Variants in CAD observed in about 807,000 individuals in gnomAD.
The protein encoded by CAD is multifunctional protein CAD.
In CAD, 81 loss-of-function variants were observed where a neutral mutation model predicts 237.2. The ratio of observed to expected loss-of-function variants is 0.34; its 90% CI spans 0.29 to 0.41. The LOEUF (loss-of-function observed/expected upper bound fraction) is 0.41. Among genes scored for constraint, CAD ranks in the 10% least tolerant of loss-of-function variants. CAD has a pLI of 1.00. For missense variants in CAD, 2,181 were observed against 2,951.7 expected, an observed-to-expected ratio of 0.74 and a Z score of 6.05; for synonymous variants, 1,196 against 1,162.8, an observed-to-expected ratio of 1.03 and a Z score of -0.58.
At chr2:27,223,061 G>C in intron 6 of CAD, 24 bp downstream of exon 6, 1 of 1,612,750 alleles carries the variant, frequency 6.2e-7, no homozygotes, top group East Asian at 2.2e-5. Flanking sequence ...GGAGCAGAAG[G>C]GGCCCATACT....
chr2:27,239,423 C>A lies in CAD; in HGVS notation c.5346C>A (p.Thr1782=). The part of the protein sequence containing the change: ...TPFEGQKVKG[T]VRRVVLRGEV... ...TTGAAGGGCAGAAAGTGAAGGGCAC[C>A]GTCCGCCGTGTGGTCCTGCGAGGGG... The change falls in exon 33 of 44, where the codon ACC becomes ACA. Residue 1782 remains threonine, a synonymous_variant. Transcript: ENST00000264705. The surrounding 1 kb of genome is among the most constrained non-coding windows in gnomAD (Gnocchi z 4.0). 6.2e-7 allele frequency: 1 copy of A among 1,614,082 alleles called. No individual in the cohort carries two copies. The highest frequency in any genetic ancestry group is 8.5e-7 in the Non-Finnish European group (1 of 1,179,954).
At chr2:27,231,611 C>A in intron 16 of CAD, 31 bp downstream of exon 16, 1 of 1,317,880 alleles carries the variant, frequency 7.6e-7, no homozygotes, top group East Asian at 2.3e-5. Context: ...GGCAATACCC[C>A]TAAAATAGAC....
intron 16 of CAD, 81 bp from the exon 17 acceptor site, chr2:27,231,899 C>T: frequency 6.4e-7 from 1 of 1,553,864 alleles, no homozygotes; most frequent in Non-Finnish European, 8.8e-7. Flanking sequence ...TTTCCCCTTC[C>T]TGAGACAAGA....
At chr2:27,243,167 G>A in intron 42 of CAD, 31 bp from the exon 43 acceptor site, 1 of 1,603,856 alleles carries the variant, frequency 6.2e-7, no homozygotes, top group Non-Finnish European at 8.5e-7. Context: ...CCTACCCCAA[G>A]GCACTAATGG....
rs556529049 is a variant in CAD at position 27,228,005 on chromosome 2, A to C, written c.2287+1043A>C. 2.6e-5 allele frequency among the ~76,000 whole-genome samples: 4 copies of C among 152,264 alleles called. No individual in the cohort carries two copies. The South Asian group carries it at 8.3e-4, about 32-fold the overall frequency. On this transcript the variant is annotated intron_variant, in intron 15 of 43. Coordinates refer to ENST00000264705, the MANE Select transcript of CAD (RefSeq NM_004341.5). ...CTTCTCCTTTTTTAACAAATCTCAA[A>C]ATAAAAAGTCTTACAACCACAGTTA...
rs997425229 is a variant in CAD, at chr2:27,239,535, C to T, written c.5394+64C>T. ...CTTCTGCACCACGTTCATTTCTTCC[C>T]TTCCCAGCACATCTACACTGTCCCA... On this transcript the variant is annotated intron_variant, in intron 33 of 43. Transcript: ENST00000264705. This position sits in a 1 kb window ranked among gnomAD's most constrained non-coding sequence, Gnocchi z 4.0. The T allele has an allele frequency of 1.5e-5, 23 of 1,581,958 alleles. No individual in the cohort carries two copies. In the South Asian group the frequency reaches 1.6e-4, roughly 11 times the overall value.
Position 27,242,141 on chromosome 2 carries a change from A to G in CAD, c.6096+18A>G. The G allele has an allele frequency of 6.2e-7, 1 of 1,610,670 alleles. No homozygotes were observed. The highest frequency in any genetic ancestry group is 8.5e-7 in the Non-Finnish European group (1 of 1,178,772). On this transcript the variant is annotated intron_variant, in intron 39 of 43. Transcript: ENST00000264705. The surrounding 1 kb of genome is among the most constrained non-coding windows in gnomAD (Gnocchi z 6.4). The stretch of plus-strand genomic sequence containing the variant: ...CAGTGGAGGTGAGGCCAGCCTGGGT[A>G]CTGAGATGGGGTTAAGAAGGCTGGA...
intron 30 of CAD, 77 bp downstream of exon 30, chr2:27,238,264 AGGAGACAGCAGGAGGAGAGTCT>A (rs1320092868): frequency 2.3e-5 from 35 of 1,537,956 alleles, no homozygotes; most frequent in East Asian, 6.9e-5. Context: ...CCTTAGGGGC[AGGAGACAGCAGGAGGAGAGTCT>A]GGAGACAGCA....
In CAD at chr2:27,241,378, G is replaced by T. The variant is rs1393042457; in HGVS notation, c.5865G>T (p.Arg1955=). ...HTLRMMVQKE[R]SLDILKGKVM... ...TGCGTATGATGGTGCAGAAGGAGCG[G>T]AGCCTCGACATCCTGAAGGTCAGGA... Residue 1955 remains arginine (R), a synonymous_variant, in exon 38 of 44, where the codon CGG becomes CGT. Transcript: ENST00000264705. The surrounding 1 kb of genome is among the most constrained non-coding windows in gnomAD (Gnocchi z 4.6). The T allele has an allele frequency of 1.2e-6, 2 of 1,614,052 alleles. No homozygotes were observed. Among genetic ancestry groups the T allele is most frequent in the African/African-American group, 2.7e-5 (2 of 74,934 alleles).
In CAD at chr2:27,233,500, C is replaced by G. The variant is rs374049546; in HGVS notation, c.3180C>G (p.Ile1060Met). 1 of 1,614,126 alleles carries G rather than the reference C, an allele frequency of 6.2e-7. No individual in the cohort carries two copies. The highest frequency in any genetic ancestry group is 8.5e-7 in the Non-Finnish European group (1 of 1,180,054). ...KFSRLLDTIG[I>M]SQPQWRELSD... ...CCCGGCTCCTTGACACCATTGGTAT[C>G]AGCCAGCCTCAGTGGAGGGAGCTCA... The change falls in exon 20 of 44, where the codon ATC becomes ATG. Residue 1060 changes from isoleucine (I) to methionine (M), a missense_variant. This residue lies in a region of CAD where 306 missense variants were observed against 607.9 expected (regional missense o/e 0.50). Coordinates refer to ENST00000264705, the MANE Select transcript of CAD (RefSeq NM_004341.5). The surrounding 1 kb of genome is among the most constrained non-coding windows in gnomAD (Gnocchi z 6.3).
At position 27,235,250 on chromosome 2, in the gene CAD, T is replaced by G. The variant is rs1318992628; in HGVS notation, c.3792T>G (p.Pro1264=). The G allele has an allele frequency of 6.2e-7, 1 of 1,606,070 alleles. No individual in the cohort carries two copies. Among genetic ancestry groups the G allele is most frequent in the South Asian group, 1.1e-5 (1 of 89,828 alleles). ...TGSGVVGVKV[P]QFSFSRLAGA... is the part of the protein sequence containing the mutation. The stretch of plus-strand genomic sequence containing the variant: ...CTTCCCTCCCGCCCCTTTAGGTGCC[T>G]CAGTTCTCCTTCTCCCGCTTGGCGG... Residue 1264 remains proline (P), a synonymous_variant, in exon 24 of 44, where the codon CCT becomes CCG. Transcript: ENST00000264705. The surrounding 1 kb of genome is among the most constrained non-coding windows in gnomAD (Gnocchi z 5.2).
rs757689465 is a variant in CAD, at chr2:27,241,699, T to C, written c.5884-212T>C. Among the ~76,000 whole-genome samples the C allele has an allele frequency of 1.3e-5, 2 of 152,202 alleles. No homozygotes were observed. Among genetic ancestry groups the C allele is most frequent in the Non-Finnish European group, 2.9e-5 (2 of 68,030 alleles). On this transcript the variant is annotated intron_variant, in intron 38 of 43. Transcript: ENST00000264705. This position sits in a 1 kb window ranked among gnomAD's most constrained non-coding sequence, Gnocchi z 4.6. ...CTCCTTTCCCAGCTCGTTCAGACAC[T>C]TAATGATGGGTGGTTTTCTGGAGGC...
At chr2:27,238,775 G>C in intron 31 of CAD, 143 bp downstream of exon 31, 1 of 760,164 alleles carries the variant, frequency 1.3e-6, no homozygotes, top group East Asian at 2.7e-5. Context: ...TAGGGTACCT[G>C]GTCTGTGATA....
In CAD at chr2:27,238,713, G is replaced by A; in HGVS notation, c.5062+81G>A. 3.0e-6 allele frequency: 4 copies of A among 1,317,456 alleles called. No homozygotes were observed. The South Asian group carries it at 4.1e-5, about 14-fold the overall frequency. 81.6% of individuals were successfully genotyped at this position (1,317,456 alleles called of 1,614,324 possible). ...AGCAAGAAAATGGGAAGCAGGCCAG[G>A]CCTCAGGACTCTACTAGGACAGGGT... On this transcript the variant is annotated intron_variant, in intron 31 of 43. Coordinates refer to ENST00000264705, the MANE Select transcript of CAD (RefSeq NM_004341.5).
At position 27,234,046 on chromosome 2, in the gene CAD, G is replaced by T. The variant is rs756080723; in HGVS notation, c.3438G>T (p.Val1146=). ...DVDAVASDGV[V]AAIAISEHVE... Reference sequence around the variant, plus strand: ...ATGCCGTGGCCTCTGATGGTGTGGTGGCAGCCATCGCCATCTCTGAGCATG... The same window carrying T: ...ATGCCGTGGCCTCTGATGGTGTGGTTGCAGCCATCGCCATCTCTGAGCATG... The change falls in exon 22 of 44, where the codon GTG becomes GTT. Residue 1146 remains valine, a synonymous_variant. Transcript: ENST00000264705. 24 of 1,613,992 alleles carry T rather than the reference G, an allele frequency of 1.5e-5. No homozygotes were observed. Among genetic ancestry groups the T allele is most frequent in the Non-Finnish European group, 2.0e-5 (24 of 1,180,006 alleles).
chr2:27,242,849 C>G lies in CAD; in HGVS notation c.6379-23C>G. The G allele has an allele frequency of 6.2e-7, 1 of 1,613,290 alleles. No individual in the cohort carries two copies. Among genetic ancestry groups the G allele is most frequent in the Non-Finnish European group, 8.5e-7 (1 of 1,179,212 alleles). ...CAGTCAGAGCCCAGCGCTGCATCCA[C>G]CATGGCTCTCCTCACCCTCCAGGAG... On this transcript the variant is annotated intron_variant, in intron 41 of 43. Coordinates refer to ENST00000264705, the MANE Select transcript of CAD (RefSeq NM_004341.5). The surrounding 1 kb of genome is among the most constrained non-coding windows in gnomAD (Gnocchi z 6.4).
intron 2 of CAD, among the ~76,000 whole-genome samples, chr2:27,218,424 G>A (rs1465821377): frequency 6.6e-6 from 1 of 152,182 alleles, no homozygotes; most frequent in African/African-American, 2.4e-5. Flanking sequence ...TGAAGCCAAA[G>A]CAGAGTCAGC....
intron 15 of CAD, among the ~76,000 whole-genome samples, chr2:27,227,972 G>A (rs567822991): frequency 7.8e-4 from 119 of 152,342 alleles, no homozygotes; most frequent in African/African-American, 2.8e-3. Flanking sequence ...GTGTATGCAT[G>A]TATTAGGCTT....
Position 27,233,572 on chromosome 2 carries a change from A to G in CAD, c.3216+36A>G. On this transcript the variant is annotated intron_variant, in intron 20 of 43. Coordinates refer to ENST00000264705, the MANE Select transcript of CAD (RefSeq NM_004341.5). The surrounding 1 kb of genome is among the most constrained non-coding windows in gnomAD (Gnocchi z 6.3). Reference sequence around the variant, plus strand: ...ACCTGGTGGGTTACCCGGAGGCTGGATGATGCTTGGGGGAAAGTGTGAACA... The same window carrying G: ...ACCTGGTGGGTTACCCGGAGGCTGGGTGATGCTTGGGGGAAAGTGTGAACA... 6.2e-7 allele frequency: 1 copy of G among 1,613,720 alleles called. No individual in the cohort carries two copies. Among genetic ancestry groups the G allele is most frequent in the Non-Finnish European group, 8.5e-7 (1 of 1,179,638 alleles).
Sources: allele counts gnomAD v4.1 joint callset (sites outside exome capture counted in the v4.1 genomes callset), GRCh38; gene constraint gnomAD v4.1.1; regional missense constraint gnomAD v4.1.1; non-coding constraint Gnocchi (gnomAD v3.1); transcripts MANE v1.5; gene names NCBI Gene and HGNC (gene_info 2026-07-23, HGNC 2026-07-21).